ZFHX3: variants seen among roughly 807,000 people sequenced by gnomAD.
ZFHX3 encodes the protein zinc finger homeobox 3.
ZFHX3 carries 42 observed loss-of-function variants against 279.1 expected under a neutral mutation model. The ratio of observed to expected loss-of-function variants is 0.15; its 90% CI spans 0.12 to 0.19. The LOEUF (loss-of-function observed/expected upper bound fraction) is 0.19, where lower values mean the gene tolerates loss of function less well. Among genes scored for constraint, ZFHX3 ranks in the 10% least tolerant of loss-of-function variants. ZFHX3 has a pLI of 1.00. For missense variants in ZFHX3, 4,981 were observed against 4,754.0 expected (o/e 1.05, Z -1.40); for synonymous variants, 2,293 against 1,957.8 (o/e 1.17, Z -4.52).
chr16:73,193,023 A>G (rs527932479), intron 5 of ZFHX3, among the ~76,000 whole-genome samples: 1 of 152,290 alleles, frequency 6.6e-6, no homozygotes, highest in South Asian at 2.1e-4. Flanking sequence ...AAATAATGGA[A>G]GGAAAGTGCT....
At chr16:73,415,935 C>A (rs189007585) in intron 3 of ZFHX3, among the ~76,000 whole-genome samples, 2 of 152,032 alleles carry the variant, frequency 1.3e-5, no homozygotes, top group East Asian at 3.9e-4. Flanking sequence ...GCCTGGCCAA[C>A]ATGGTGAAAC....
At chr16:73,721,182 C>A (rs555191479) in intron 1 of ZFHX3, among the ~76,000 whole-genome samples, 1 of 152,146 alleles carries the variant, frequency 6.6e-6, no homozygotes, top group East Asian at 1.9e-4. Context: ...CATGCAGTGG[C>A]GGGATCTCGG....
intron 4 of ZFHX3, among the ~76,000 whole-genome samples, chr16:73,269,864 T>C (rs1322105665): frequency 6.6e-6 from 1 of 152,074 alleles, no homozygotes; most frequent in Non-Finnish European, 1.5e-5. Context: ...TTCTCCTGCC[T>C]CAGTCTCCGG....
At chr16:73,011,950 T>C (rs7199827) in intron 1 of ZFHX3, among the ~76,000 whole-genome samples, 34,427 of 151,892 alleles carry the variant, frequency 0.23, 4,710 homozygotes, top group East Asian at 0.69. Flanking sequence ...TCTGTCCCCG[T>C]CCCCCAAGAC....
chr16:73,071,823 C>G (rs1965830111), intron 8 of ZFHX3, among the ~76,000 whole-genome samples: 3 of 152,298 alleles, frequency 2.0e-5, no homozygotes, highest in Middle Eastern at 6.8e-3. Flanking sequence ...TGCCTGGAAA[C>G]TGCTTTGAAA....
intron 3 of ZFHX3, among the ~76,000 whole-genome samples, chr16:72,900,534 T>C (rs2039009358): frequency 6.6e-6 from 1 of 152,174 alleles, no homozygotes; most frequent in African/African-American, 2.4e-5. Context: ...ACCCAAATAT[T>C]TGAGACAGTG....
At chr16:73,463,446 ATGGTGC>A (rs1380587576) in intron 2 of ZFHX3, among the ~76,000 whole-genome samples, 3 of 152,174 alleles carry the variant, frequency 2.0e-5, no homozygotes, top group Non-Finnish European at 4.4e-5. Context: ...ACCAGAGCCT[ATGGTGC>A]TGATACGATA....
At chr16:73,378,050 AAAAAAAAAAAAAAAAAAAAT>A (rs1432106879) in intron 3 of ZFHX3, among the ~76,000 whole-genome samples, 13 of 140,724 alleles carry the variant, frequency 9.2e-5, no homozygotes, top group Non-Finnish European at 1.7e-4. Flanking sequence ...AAAAAAAAAA[AAAAAAAAAAAAAAAAAAAAT>A]CTTATACACA....
intron 1 of ZFHX3, among the ~76,000 whole-genome samples, chr16:73,036,178 G>A (rs1964896169): frequency 6.6e-6 from 1 of 152,234 alleles, no homozygotes; most frequent in Admixed American, 6.5e-5. Context: ...CAACTGGGGA[G>A]GGCTGCGGGA....
chr16:73,742,181 C>T (rs779888612), intron 1 of ZFHX3, among the ~76,000 whole-genome samples: 1 of 152,224 alleles, frequency 6.6e-6, no homozygotes, highest in Non-Finnish European at 1.5e-5. Context: ...CATCTTTACA[C>T]TGAAGTTACA....
chr16:73,729,147 G>C (rs1045738165), intron 1 of ZFHX3, among the ~76,000 whole-genome samples: 1 of 152,144 alleles, frequency 6.6e-6, no homozygotes, highest in African/African-American at 2.4e-5. Flanking sequence ...TCCCCAAGAG[G>C]AAGGAATTCC....
chr16:73,036,338 C>A (rs1012900749), intron 1 of ZFHX3, among the ~76,000 whole-genome samples: 1 of 152,182 alleles, frequency 6.6e-6, no homozygotes, highest in South Asian at 2.1e-4. Context: ...ATGCGGAAGG[C>A]CGGTCCAGAG....
At chr16:72,803,691 C>T in intron 7 of ZFHX3, among the ~76,000 whole-genome samples, 1 of 152,204 alleles carries the variant, frequency 6.6e-6, no homozygotes, top group East Asian at 1.9e-4. Context: ...ATTGAATGTA[C>T]CATCCACATT....
intron 3 of ZFHX3, among the ~76,000 whole-genome samples, chr16:73,360,994 A>AAC (rs2016424817): frequency 6.6e-6 from 1 of 152,180 alleles, no homozygotes; most frequent in African/African-American, 2.4e-5. Context: ...AAAAAGCAAA[A>AAC]ACACACACAT....
At chr16:73,779,544 G>A (rs1019620564) in intron 1 of ZFHX3, among the ~76,000 whole-genome samples, 2 of 152,044 alleles carry the variant, frequency 1.3e-5, no homozygotes, top group Non-Finnish European at 2.9e-5. Context: ...TCTGCCATGG[G>A]CAAGGTGAAA....
intron 5 of ZFHX3, among the ~76,000 whole-genome samples, chr16:73,195,856 C>T (rs57995465): frequency 0.012 from 1,810 of 152,184 alleles, 32 homozygotes; most frequent in African/African-American, 0.041. Flanking sequence ...GGGAGAGAAG[C>T]GGTGGTTGCA....
chr16:73,698,631 T>C (rs565308193), intron 1 of ZFHX3, among the ~76,000 whole-genome samples: 1 of 152,092 alleles, frequency 6.6e-6, no homozygotes, highest in Non-Finnish European at 1.5e-5. Context: ...ATTACCTCAA[T>C]GTAATCATGG....
intron 2 of ZFHX3, among the ~76,000 whole-genome samples, chr16:73,539,506 ACT>A (rs1257674352): frequency 3.0e-5 from 4 of 132,382 alleles, no homozygotes; most frequent in Non-Finnish European, 4.6e-5. Flanking sequence ...CCTCAGGCAA[ACT>A]CTCTCTCTCA....
intron 4 of ZFHX3, among the ~76,000 whole-genome samples, chr16:72,883,845 T>C (rs1269168605): frequency 6.6e-6 from 1 of 152,192 alleles, no homozygotes; most frequent in Non-Finnish European, 1.5e-5. Context: ...AAAAATACTT[T>C]AAGTTCCTAT....
Sources: gnomAD v4.1 joint callset for allele counts (sites outside exome capture counted in the v4.1 genomes callset) on GRCh38, gnomAD v4.1.1 for gene constraint, MANE v1.5 for transcripts, NCBI Gene and HGNC (gene_info 2026-07-23, HGNC 2026-07-21) for gene names.